Variants in SPTBN4 observed in about 807,000 individuals in gnomAD.
SPTBN4 encodes spectrin beta, non-erythrocytic 4, also known as spectrin beta chain, non-erythrocytic 4.
SPTBN4 carries 96 observed loss-of-function variants against 277.8 expected under a neutral mutation model. That is an observed-to-expected ratio of 0.35 (90% CI 0.29 to 0.41). The LOEUF (loss-of-function observed/expected upper bound fraction) is 0.41, where lower values mean the gene tolerates loss of function less well. Ranked by LOEUF, SPTBN4 falls within the 10% of genes least tolerant of loss-of-function variation. The probability of loss-of-function intolerance (pLI) is 1.00; values close to 1 mark genes in which losing one functional copy is unlikely to be tolerated. For missense variants in SPTBN4, 3,006 were observed against 3,595.7 expected (o/e 0.84, Z 4.19); for synonymous variants, 1,481 against 1,580.3 (o/e 0.94, Z 1.49).
intron 5 of SPTBN4, 93 bp downstream of exon 5, chr19:40,493,147 A>G: frequency 1.7e-6 from 2 of 1,191,896 alleles, no homozygotes; most frequent in Non-Finnish European, 2.4e-6. Context: ...GGGGCAGCCC[A>G]TGTCCTCAGG....
intron 20 of SPTBN4, 127 bp downstream of exon 20, chr19:40,534,470 G>T: frequency 7.9e-7 from 1 of 1,272,290 alleles, no homozygotes; most frequent in Non-Finnish European, 1.1e-6. Flanking sequence ...ACTTGTAGAA[G>T]ATGAGAAAGG....
At position 40,570,713 on chromosome 19, in the gene SPTBN4, G is replaced by T. The variant is rs770768120; in HGVS notation, c.7304G>T (p.Arg2435Leu). The T allele has an allele frequency of 1.9e-6, 3 of 1,607,962 alleles. No homozygotes were observed. The highest frequency in any genetic ancestry group is 4.5e-5 in the East Asian group (2 of 44,254). Residue 2435 changes from arginine to leucine, a missense_variant, in exon 33 of 36, where the codon CGC (arginine) becomes CTC (leucine). Physicochemically the swap from Arg to Leu is moderately radical, Grantham distance 102. Coordinates refer to ENST00000598249, the MANE Select transcript of SPTBN4 (RefSeq NM_020971.3). ...LLRKRELDAN[R>L]KSSNRSWVSL... is the part of the protein sequence containing the mutation. ...CGCAAGCGCGAGCTCGACGCTAACCGCAAGTCGTCCAACCGGTGAGCGTGT... is the reference window on the plus strand; with the variant it reads ...CGCAAGCGCGAGCTCGACGCTAACCTCAAGTCGTCCAACCGGTGAGCGTGT...
chr19:40,561,296 A>G (rs894344794), intron 27 of SPTBN4, among the ~76,000 whole-genome samples: 1 of 152,118 alleles, frequency 6.6e-6, no homozygotes, highest in African/African-American at 2.4e-5. Flanking sequence ...TACAGGCATA[A>G]GCCACCGTGC....
At chr19:40,561,017 A>AT (rs938525461) in intron 27 of SPTBN4, among the ~76,000 whole-genome samples, 1 of 151,474 alleles carries the variant, frequency 6.6e-6, no homozygotes, top group Admixed American at 6.6e-5. Context: ...GAGGCTGCAA[A>AT]TTTTTTTTTC....
At position 40,554,560 on chromosome 19, in the gene SPTBN4, G is replaced by C; in HGVS notation, c.4998G>C (p.Leu1666=). 1 of 1,509,992 alleles carries C rather than the reference G, an allele frequency of 6.6e-7. No homozygotes were observed. The highest frequency in any genetic ancestry group is 8.9e-7 in the Non-Finnish European group (1 of 1,125,828). The allele number at this position is 1,509,992 out of a possible 1,614,324, so 93.5% of individuals were successfully genotyped here. Residue 1666 remains leucine (L), a synonymous_variant, in exon 24 of 36, where the codon CTG becomes CTC. Coordinates refer to ENST00000598249, the MANE Select transcript of SPTBN4 (RefSeq NM_020971.3). This position sits in a 1 kb window ranked among gnomAD's most constrained non-coding sequence, Gnocchi z 5.7. Reference sequence around the variant, plus strand: ...AGCTGCTCAAGAAACACCTGCAGCTGGAGCAAGGCGTGGAGAACTACGAGG... The same window carrying C: ...AGCTGCTCAAGAAACACCTGCAGCTCGAGCAAGGCGTGGAGAACTACGAGG... ...TLQLLKKHLQ[L]EQGVENYEES... is the part of the protein sequence containing the mutation.
Position 40,490,607 on chromosome 19 carries a change from G to T in SPTBN4, c.495+359G>T, listed in dbSNP as rs2080126195. 1.3e-5 allele frequency among the ~76,000 whole-genome samples: 2 copies of T among 152,118 alleles called. No individual in the cohort carries two copies. The highest frequency in any genetic ancestry group is 2.4e-5 in the African/African-American group (1 of 41,426). ...TACCTGGGTGTTGGAGCTGAAATTCGAATCCAGGCAATCTTGATCCAGTAT... is the reference window on the plus strand; with the variant it reads ...TACCTGGGTGTTGGAGCTGAAATTCTAATCCAGGCAATCTTGATCCAGTAT... On this transcript the variant is annotated intron_variant, in intron 4 of 35. Transcript: ENST00000598249. This position sits in a 1 kb window ranked among gnomAD's most constrained non-coding sequence, Gnocchi z 4.3.
chr19:40,544,440 CTTTTTTT>C lies in SPTBN4; in HGVS notation c.4360-4731_4360-4725del, dbSNP rs3071333. Among the ~76,000 whole-genome samples the C allele has an allele frequency of 1.4e-3, 73 of 51,756 alleles. 1 individual carries two copies. Among genetic ancestry groups the C allele is most frequent in the African/African-American group, 6.5e-3 (72 of 11,062 alleles). 34.0% of individuals were successfully genotyped at this position (51,756 alleles called of 152,430 possible). On this transcript the variant is annotated intron_variant, in intron 20 of 35. Transcript: ENST00000598249. The stretch of plus-strand genomic sequence containing the variant: ...TACAGGCATGAGCCATTGTGCCCGG[CTTTTTTT>C]TTTTTTTTTTTTTTTTTGAGATGGA...
intron 13 of SPTBN4, 82 bp downstream of exon 13, chr19:40,506,468 G>C (rs186030359): frequency 6.7e-7 from 1 of 1,498,082 alleles, no homozygotes; most frequent in Admixed American, 2.1e-5. Flanking sequence ...ACTCCTGAGA[G>C]AAGGAAAGAG....
At chr19:40,557,739 G>A (rs2080998244) in intron 26 of SPTBN4, among the ~76,000 whole-genome samples, 1 of 151,950 alleles carries the variant, frequency 6.6e-6, no homozygotes, top group Admixed American at 6.6e-5. Flanking sequence ...TCAACGTGGT[G>A]AAACCCCATC....
chr19:40,471,855 C>T (rs1040835875), intron 1 of SPTBN4, among the ~76,000 whole-genome samples: 1 of 152,068 alleles, frequency 6.6e-6, no homozygotes, highest in East Asian at 1.9e-4. Flanking sequence ...CCTCACACCT[C>T]AGCCTCCTGA....
In SPTBN4 at chr19:40,565,895, G is replaced by A. The variant is rs991837309; in HGVS notation, c.6139+150G>A. On this transcript the variant is annotated intron_variant, in intron 29 of 35. Coordinates refer to ENST00000598249, the MANE Select transcript of SPTBN4 (RefSeq NM_020971.3). ...ATAAGGGCCTGGAAGGGTGGACAAG[G>A]GGGCTGCCTTGCCATTGAATACCCA... is the stretch of plus-strand genomic sequence containing the variant. 1.8e-5 allele frequency: 17 copies of A among 954,564 alleles called. No individual in the cohort carries two copies. The Admixed American group carries it at 3.5e-4, about 20-fold the overall frequency. 59.1% of individuals were successfully genotyped at this position (954,564 alleles called of 1,614,324 possible). A position where few individuals can be genotyped will look rare whatever the true frequency, so the allele number is the denominator to read the frequency against.
At chr19:40,505,674 AAAG>A (rs1490469250) in intron 12 of SPTBN4, among the ~76,000 whole-genome samples, 10 of 149,546 alleles carry the variant, frequency 6.7e-5, no homozygotes, top group South Asian at 4.3e-4. Context: ...TGTCTCAAAA[AAAG>A]AAGAAGAAAA....
In SPTBN4 at chr19:40,472,719, AGCGGGAGCAGCCGGCT is replaced by A; in HGVS notation, c.102_117del (p.Glu35ProfsTer32). ...TGGGAGAGTCCGGATCGGGGCTGGG[AGCGGGAGCAGCCGGCT>A]GCGTCCACCGCAGCGGCCTCGCTCT... is the stretch of plus-strand genomic sequence containing the variant. On this transcript the variant is annotated frameshift_variant, in exon 2 of 36. Coordinates refer to ENST00000598249, the MANE Select transcript of SPTBN4 (RefSeq NM_020971.3). LOFTEE classifies it high-confidence loss of function. 1 of 1,610,582 alleles carries A rather than the reference AGCGGGAGCAGCCGGCT, an allele frequency of 6.2e-7. No homozygotes were observed. The highest frequency in any genetic ancestry group is 8.5e-7 in the Non-Finnish European group (1 of 1,178,624).
At chr19:40,540,814 C>CAAAAAAAA (rs58695945) in intron 20 of SPTBN4, among the ~76,000 whole-genome samples, 2 of 79,322 alleles carry the variant, frequency 2.5e-5, no homozygotes, top group Non-Finnish European at 4.6e-5. Flanking sequence ...ACCCCCATCT[C>CAAAAAAAA]AAAAAAAAAA....
chr19:40,550,408 A>G (rs1205807928), intron 22 of SPTBN4, 81 bp downstream of exon 22: 38 of 1,315,090 alleles, frequency 2.9e-5, no homozygotes, highest in Non-Finnish European at 4.0e-5. Context: ...TAAAGCCAAA[A>G]CAATGAATGT....
At chr19:40,496,202 T>G (rs1167815280) in intron 6 of SPTBN4, among the ~76,000 whole-genome samples, 1 of 152,158 alleles carries the variant, frequency 6.6e-6, no homozygotes, top group African/African-American at 2.4e-5. Flanking sequence ...CAGGCTAGAG[T>G]GCAGTGGCAC....
chr19:40,494,970 C>T lies in SPTBN4; in HGVS notation c.661C>T (p.Arg221Trp), dbSNP rs757847966. The T allele has an allele frequency of 1.4e-5, 23 of 1,614,006 alleles. No homozygotes were observed. The highest frequency in any genetic ancestry group is 4.5e-5 in the East Asian group (2 of 44,890). The change falls in exon 6 of 36, where the codon CGG becomes TGG. Residue 221 changes from arginine to tryptophan, a missense_variant. Physicochemically the swap from Arg to Trp is moderately radical, Grantham distance 101 (BLOSUM62 -3). Around this residue, in one of 5 missense-constraint regions of SPTBN4, gnomAD observed 1,759 missense variants for 2,061.5 expected, o/e 0.85. Coordinates refer to ENST00000598249, the MANE Select transcript of SPTBN4 (RefSeq NM_020971.3). ...CTTGGCCTTCAATGCCCTCATTCAC[C>T]GGCACAGGTACCACCTGGCCTGGGA... ...DGLAFNALIH[R>W]HRPDLVDFSK...
rs189275197 is a variant in SPTBN4 at position 40,542,342 on chromosome 19, C to G, written c.4360-6847C>G. ...CTGCTGCAGCAGGCTCTCTGGGACC[C>G]CACCTCCCAGGTCCTGGCCACGTGA... is the stretch of plus-strand genomic sequence containing the variant. On this transcript the variant is annotated intron_variant, in intron 20 of 35. Coordinates refer to ENST00000598249, the MANE Select transcript of SPTBN4 (RefSeq NM_020971.3). 2.4e-3 allele frequency among the ~76,000 whole-genome samples: 365 copies of G among 152,244 alleles called. 2 individuals are homozygous for G. The highest frequency in any genetic ancestry group is 8.6e-3 in the African/African-American group (357 of 41,552).
chr19:40,493,754 A>G (rs745541889), intron 5 of SPTBN4, among the ~76,000 whole-genome samples: 60 of 152,258 alleles, frequency 3.9e-4, no homozygotes, highest in Non-Finnish European at 7.5e-4. Flanking sequence ...AAATAAATAA[A>G]CAAACAAATA....
Sources: allele counts gnomAD v4.1 joint callset (sites outside exome capture counted in the v4.1 genomes callset), GRCh38; gene constraint gnomAD v4.1.1; regional missense constraint gnomAD v4.1.1; non-coding constraint Gnocchi (gnomAD v3.1); transcripts MANE v1.5; gene names NCBI Gene and HGNC (gene_info 2026-07-23, HGNC 2026-07-21).